KIF26B: variants seen among roughly 807,000 people sequenced by gnomAD.
KIF26B encodes kinesin-like protein KIF26B.
In KIF26B, 63 loss-of-function variants were observed where a neutral mutation model predicts 151.2. That is an observed-to-expected ratio of 0.42 (90% CI 0.34 to 0.51). The LOEUF is 0.51. Among genes scored for constraint, KIF26B ranks in the 20% least tolerant of loss-of-function variants. KIF26B has a pLI of 0.07. For missense variants in KIF26B, 2,813 were observed against 2,913.6 expected (o/e 0.97, Z 0.79); for synonymous variants, 1,357 against 1,262.1 (o/e 1.08, Z -1.59).
At chr1:245,202,227 G>A (rs761308854) in intron 2 of KIF26B, among the ~76,000 whole-genome samples, 1 of 151,998 alleles carries the variant, frequency 6.6e-6, no homozygotes, top group East Asian at 1.9e-4. Flanking sequence ...GCCATCTCTC[G>A]CAACGTTACT....
intron 5 of KIF26B, among the ~76,000 whole-genome samples, chr1:245,548,397 T>C (rs1328974538): frequency 6.6e-6 from 1 of 152,142 alleles, no homozygotes; most frequent in Non-Finnish European, 1.5e-5. Flanking sequence ...AGTGAAAACA[T>C]GGACGTGACC....
intron 3 of KIF26B, among the ~76,000 whole-genome samples, chr1:245,402,878 A>G (rs2103027830): frequency 6.6e-6 from 1 of 152,340 alleles, no homozygotes; most frequent in Middle Eastern, 3.4e-3. Flanking sequence ...CAAAAAACTC[A>G]TGGCTGCGAA....
At chr1:245,199,916 A>G (rs563059493) in intron 2 of KIF26B, among the ~76,000 whole-genome samples, 3 of 152,290 alleles carry the variant, frequency 2.0e-5, no homozygotes, top group Non-Finnish European at 4.4e-5. Flanking sequence ...ATGTGTCACA[A>G]ATTTGTGTTA....
At chr1:245,558,171 T>C (rs1315334856) in intron 5 of KIF26B, among the ~76,000 whole-genome samples, 2 of 152,114 alleles carry the variant, frequency 1.3e-5, no homozygotes, top group Non-Finnish European at 2.9e-5. Flanking sequence ...CCACCCTGCC[T>C]CCATTCCAAA....
At position 245,707,015 on chromosome 1, in the gene KIF26B, A is replaced by G. The variant is rs1169125927; in HGVS notation, c.*4409A>G. The G allele has an allele frequency of 1.3e-5, 2 of 152,206 alleles. No individual in the cohort carries two copies. Among genetic ancestry groups the G allele is most frequent in the Non-Finnish European group, 2.9e-5 (2 of 68,042 alleles). The allele number at this position is 152,206 out of a possible 1,614,324, so 9.4% of individuals were successfully genotyped here. On this transcript the variant is annotated 3_prime_UTR_variant, in exon 15 of 15. Transcript: ENST00000407071. ...CATCACTTAGTAATCTTCCTGACAA[A>G]ATGACACATTTTAAAATTACAACCT...
intron 3 of KIF26B, among the ~76,000 whole-genome samples, chr1:245,405,722 T>G (rs1370209445): frequency 6.6e-6 from 1 of 152,096 alleles, no homozygotes; most frequent in Non-Finnish European, 1.5e-5. Flanking sequence ...CAAGTTGGGC[T>G]TCTGTGTCTT....
At chr1:245,410,880 A>C (rs1385833939) in intron 3 of KIF26B, among the ~76,000 whole-genome samples, 1 of 152,140 alleles carries the variant, frequency 6.6e-6, no homozygotes, top group East Asian at 1.9e-4. Flanking sequence ...GAACTTTTTC[A>C]TCTTCCCAAA....
intron 9 of KIF26B, among the ~76,000 whole-genome samples, chr1:245,625,853 T>G (rs2043719038): frequency 7.1e-6 from 1 of 140,986 alleles, no homozygotes. Flanking sequence ...CCTCTCTACC[T>G]GCATGAGATC....
chr1:245,464,662 GTGTGTGGGTGTGTGCA>G (rs1244694133), intron 4 of KIF26B, among the ~76,000 whole-genome samples: 1 of 150,236 alleles, frequency 6.7e-6, no homozygotes, highest in Non-Finnish European at 1.5e-5. Flanking sequence ...GTGCGTGTGT[GTGTGTGGGTGTGTGCA>G]TGTGTGAGTA....
At chr1:245,277,826 G>A (rs1670965983) in intron 2 of KIF26B, among the ~76,000 whole-genome samples, 1 of 152,064 alleles carries the variant, frequency 6.6e-6, no homozygotes, top group Admixed American at 6.5e-5. Context: ...GAGGATGGGG[G>A]TTGGAAGAAC....
intron 9 of KIF26B, among the ~76,000 whole-genome samples, chr1:245,641,288 T>TTAATTATAATTATATATTA (rs150910174): frequency 0.12 from 18,902 of 151,800 alleles, 1,456 homozygotes; most frequent in African/African-American, 0.2. Context: ...CTTTGTGAGT[T>TTAATTATAATTATATATTA]TAATTATAAT....
intron 3 of KIF26B, among the ~76,000 whole-genome samples, chr1:245,401,457 C>T (rs773001675): frequency 5.9e-5 from 9 of 152,156 alleles, no homozygotes; most frequent in Non-Finnish European, 1.0e-4. Context: ...TAACTGCACA[C>T]GTAAAGCATG....
At chr1:245,251,943 T>C (rs1165961969) in intron 2 of KIF26B, among the ~76,000 whole-genome samples, 1 of 152,094 alleles carries the variant, frequency 6.6e-6, no homozygotes, top group East Asian at 1.9e-4. Flanking sequence ...GCTTGGAATT[T>C]TTAGATTAAT....
intron 2 of KIF26B, 102 bp from the exon 3 acceptor site, chr1:245,366,732 T>C: frequency 2.7e-6 from 3 of 1,127,384 alleles, no homozygotes; most frequent in Non-Finnish European, 3.8e-6. Context: ...TATCCAACTC[T>C]TTGAGTACGT....
At chr1:245,251,591 A>C (rs976433924) in intron 2 of KIF26B, among the ~76,000 whole-genome samples, 1 of 152,140 alleles carries the variant, frequency 6.6e-6, no homozygotes, top group Non-Finnish European at 1.5e-5. Flanking sequence ...ACTGGAGGTT[A>C]TTTTTGTGAC....
intron 9 of KIF26B, among the ~76,000 whole-genome samples, chr1:245,624,666 A>G (rs1715801): frequency 0.7 from 105,632 of 151,492 alleles, 36,879 homozygotes; most frequent in East Asian, 0.89. Flanking sequence ...GTATTTGCAA[A>G]TATTTTCTCT....
At chr1:245,640,698 A>G (rs1458134592) in intron 9 of KIF26B, among the ~76,000 whole-genome samples, 1 of 152,072 alleles carries the variant, frequency 6.6e-6, no homozygotes, top group East Asian at 1.9e-4. Context: ...TTAGGTTACC[A>G]TGAAGCTTAC....
chr1:245,407,592 A>G (rs1051371605), intron 3 of KIF26B, among the ~76,000 whole-genome samples: 3 of 152,172 alleles, frequency 2.0e-5, no homozygotes, highest in South Asian at 2.1e-4. Context: ...AGTTCATTCA[A>G]TAAAGCTTTC....
At chr1:245,399,780 T>C (rs1344727623) in intron 3 of KIF26B, among the ~76,000 whole-genome samples, 1 of 152,204 alleles carries the variant, frequency 6.6e-6, no homozygotes, top group Non-Finnish European at 1.5e-5. Flanking sequence ...TGCACCAATA[T>C]GCATTATTAA....
Sources: gnomAD v4.1 joint callset for allele counts (sites outside exome capture counted in the v4.1 genomes callset) on GRCh38, gnomAD v4.1.1 for gene constraint, MANE v1.5 for transcripts, NCBI Gene and HGNC (gene_info 2026-07-23, HGNC 2026-07-21) for gene names.